The following OSBPL1A variants were observed in gnomAD, a reference collection of about 807,000 sequenced individuals.
OSBPL1A encodes oxysterol binding protein like 1A.
Under a neutral mutation model 137.1 loss-of-function variants are expected in OSBPL1A, and 80 were observed. The observed-to-expected ratio is 0.58, with a 90% CI of 0.49 to 0.70. OSBPL1A has a LOEUF of 0.70. Ranked by LOEUF, OSBPL1A falls within the 30% of genes least tolerant of loss-of-function variation. The pLI is 0.00. For missense variants in OSBPL1A, 970 were observed against 1,129.4 expected (o/e 0.86, Z 2.02); for synonymous variants, 365 against 389.7 (o/e 0.94, Z 0.75).
At chr18:24,345,664 C>A (rs1338259799) in intron 4 of OSBPL1A, among the ~76,000 whole-genome samples, 1 of 150,978 alleles carries the variant, frequency 6.6e-6, no homozygotes, top group African/African-American at 2.4e-5. Flanking sequence ...CCAGCCTGGG[C>A]AACAAAGCGA....
At chr18:24,170,981 T>A (rs2086267483) in intron 23 of OSBPL1A, among the ~76,000 whole-genome samples, 1 of 151,736 alleles carries the variant, frequency 6.6e-6, no homozygotes. Flanking sequence ...AACTTCCTTG[T>A]AGAAGAAAGA....
At chr18:24,215,511 C>T (rs983237300) in intron 17 of OSBPL1A, among the ~76,000 whole-genome samples, 2 of 152,164 alleles carry the variant, frequency 1.3e-5, no homozygotes, top group African/African-American at 4.8e-5. Flanking sequence ...ACAATCACTT[C>T]CTTAATTTAT....
chr18:24,341,803 G>A (rs1202559165), intron 4 of OSBPL1A, 145 bp from the exon 5 acceptor site: 2 of 498,630 alleles, frequency 4.0e-6, no homozygotes, highest in Non-Finnish European at 7.0e-6. Flanking sequence ...TATAATAAAT[G>A]AGTGATTCAA....
At position 24,270,713 on chromosome 18, in the gene OSBPL1A, GA is replaced by G. The variant is rs2089696731; in HGVS notation, c.1281+10128del. Among the ~76,000 whole-genome samples, 8 of 152,188 alleles carry G rather than the reference GA, an allele frequency of 5.3e-5. No homozygotes were observed. In the South Asian group the frequency reaches 1.7e-3, roughly 32 times the overall value. On this transcript the variant is annotated intron_variant, in intron 15 of 27. Coordinates refer to ENST00000319481, the MANE Select transcript of OSBPL1A (RefSeq NM_080597.4). Reference sequence around the variant, plus strand: ...TTAACTTCGGTGTGTCCTCAAAATGGAAAGCAAGTTTGTATTTAGACACCCC... The same window carrying G: ...TTAACTTCGGTGTGTCCTCAAAATGGAAGCAAGTTTGTATTTAGACACCCC...
chr18:24,356,710 T>C (rs892031721), intron 4 of OSBPL1A, among the ~76,000 whole-genome samples: 1 of 152,082 alleles, frequency 6.6e-6, no homozygotes, highest in Non-Finnish European at 1.5e-5. Flanking sequence ...GGCCAAGACA[T>C]ATCAAAACCA....
chr18:24,200,878 TA>T (rs895198578), intron 17 of OSBPL1A, among the ~76,000 whole-genome samples: 2 of 151,942 alleles, frequency 1.3e-5, no homozygotes, highest in African/African-American at 4.8e-5. Context: ...GAGATTCAGT[TA>T]AAAAAAATAA....
At chr18:24,384,663 A>G (rs1219619813) in intron 1 of OSBPL1A, among the ~76,000 whole-genome samples, 1 of 152,028 alleles carries the variant, frequency 6.6e-6, no homozygotes, top group Admixed American at 6.6e-5. Context: ...TGAGGTCAGG[A>G]GTTCCGGACC....
chr18:24,201,205 A>G (rs1174732056), intron 17 of OSBPL1A, among the ~76,000 whole-genome samples: 1 of 152,198 alleles, frequency 6.6e-6, no homozygotes, highest in African/African-American at 2.4e-5. Flanking sequence ...TGACATTACG[A>G]CTATCTAGAC....
chr18:24,309,121 G>A (rs1303380443), intron 13 of OSBPL1A, among the ~76,000 whole-genome samples: 1 of 152,172 alleles, frequency 6.6e-6, no homozygotes, highest in Non-Finnish European at 1.5e-5. Context: ...ATAGCCACAT[G>A]TGTAAATAGC....
intron 14 of OSBPL1A, among the ~76,000 whole-genome samples, chr18:24,281,459 C>A (rs2089955692): frequency 6.6e-6 from 1 of 151,454 alleles, no homozygotes; most frequent in African/African-American, 2.4e-5. Context: ...GTAATCTCGG[C>A]TTATTGTAAC....
chr18:24,210,461 A>G (rs922486655), intron 17 of OSBPL1A, among the ~76,000 whole-genome samples: 14 of 151,656 alleles, frequency 9.2e-5, no homozygotes, highest in African/African-American at 3.4e-4. Context: ...AACAAAAAAC[A>G]AAAAAAACCC....
In OSBPL1A at chr18:24,338,958, C is replaced by T. The variant is rs185316108; in HGVS notation, c.394+2589G>A. Reference sequence around the variant, plus strand: ...TGAACTTGTGACCTCGTGATCCACCCGCCTCAGCTTCCCAAAGTGCTGGGA... The same window carrying T: ...TGAACTTGTGACCTCGTGATCCACCTGCCTCAGCTTCCCAAAGTGCTGGGA... On this transcript the variant is annotated intron_variant, in intron 5 of 27. Transcript: ENST00000319481. Among the ~76,000 whole-genome samples the T allele has an allele frequency of 7.9e-5, 12 of 152,144 alleles. No individual in the cohort carries two copies. In the East Asian group the frequency reaches 1.2e-3, roughly 15 times the overall value.
chr18:24,163,386 G>A (rs2086064920), intron 27 of OSBPL1A, 105 bp from the exon 28 acceptor site: 1 of 764,730 alleles, frequency 1.3e-6, no homozygotes, highest in Middle Eastern at 2.4e-4. Context: ...CTCATTCTGT[G>A]AGTGAGGGAT....
At chr18:24,181,384 G>A in intron 18 of OSBPL1A, 105 bp from the exon 19 acceptor site, 1 of 1,237,360 alleles carries the variant, frequency 8.1e-7, no homozygotes, top group Non-Finnish European at 1.1e-6. Context: ...ACAGAAACTA[G>A]CAACCCATGA....
intron 11 of OSBPL1A, 108 bp from the exon 12 acceptor site, chr18:24,314,455 T>C: frequency 1.5e-6 from 1 of 674,380 alleles, no homozygotes; most frequent in South Asian, 2.2e-5. Context: ...CGATACCCAG[T>C]TGAACACTTA....
intron 1 of OSBPL1A, among the ~76,000 whole-genome samples, chr18:24,384,246 AT>A (rs1906792236): frequency 6.6e-6 from 1 of 152,216 alleles, no homozygotes. Context: ...TGAATTTGAG[AT>A]TCCTGTGGGA....
At chr18:24,332,253 G>T (rs1009583401) in intron 7 of OSBPL1A, among the ~76,000 whole-genome samples, 3 of 151,688 alleles carry the variant, frequency 2.0e-5, no homozygotes, top group African/African-American at 7.3e-5. Context: ...TACACTACAG[G>T]TGCATGCCTG....
At chr18:24,338,142 G>A (rs1003944134) in intron 5 of OSBPL1A, among the ~76,000 whole-genome samples, 1 of 150,506 alleles carries the variant, frequency 6.6e-6, no homozygotes, top group African/African-American at 2.4e-5. Context: ...GCGCAATCTC[G>A]GCTCACTGCA....
chr18:24,242,617 A>C (rs2088739916), intron 15 of OSBPL1A, among the ~76,000 whole-genome samples: 2 of 152,224 alleles, frequency 1.3e-5, no homozygotes, highest in African/African-American at 2.4e-5. Flanking sequence ...ACATAGCTTA[A>C]GATACAGTTT....
Sources: allele counts gnomAD v4.1 joint callset (sites outside exome capture counted in the v4.1 genomes callset), GRCh38; gene constraint gnomAD v4.1.1; transcripts MANE v1.5; gene names NCBI Gene and HGNC (gene_info 2026-07-23, HGNC 2026-07-21).